C12orf42: variants seen among roughly 807,000 people sequenced by gnomAD.
C12orf42 encodes the protein uncharacterized protein C12orf42.
C12orf42 carries 25 observed loss-of-function variants against 21.6 expected under a neutral mutation model. That is an observed-to-expected ratio of 1.16 (90% CI 0.84 to 1.62). The LOEUF is 1.62. Among genes scored for constraint, C12orf42 ranks in the 40% most tolerant of loss-of-function variants. C12orf42 has a pLI of 0.00. For synonymous variants in C12orf42, 174 were observed against 175.0 expected (o/e 0.99, Z 0.05); for missense variants, 483 against 459.3 (o/e 1.05, Z -0.47).
At chr12:103,121,412 G>A in the C12orf42 span, among the ~76,000 whole-genome samples, 1 of 152,302 alleles carries the variant, frequency 6.6e-6, no homozygotes, top group South Asian at 2.1e-4. Context: ...CAATGTCTTA[G>A]GAAAGACAGT....
chr12:103,151,328 CA>C, the C12orf42 span, among the ~76,000 whole-genome samples: 989 of 144,496 alleles, frequency 6.8e-3, 8 homozygotes, highest in African/African-American at 0.026. Flanking sequence ...CAATTCTGCA[CA>C]AACTCTTTCA....
Position 103,294,583 on chromosome 12 carries a change from G to GGAAGGAAAGAAAGAAAAAGAAAGAAA in C12orf42, n.338-17374_338-17373insTTTCTTTCTTTTTCTTTCTTTCCTTC, listed in dbSNP as rs1300203895. ...AAAGAAAAAGAAAGGAAGGAAGGAA[G>GGAAGGAAAGAAAGAAAAAGAAAGAAA]GAAAGAAAGAAAGAAAGAAAGAAAG... On this transcript the variant is annotated intron_variant and non_coding_transcript_variant, in intron 4 of 6. Transcript: ENST00000546526. 1.0e-4 allele frequency among the ~76,000 whole-genome samples: 8 copies of GGAAGGAAAGAAAGAAAAAGAAAGAAA among 80,278 alleles called. 1 individual carries two copies. Among genetic ancestry groups the GGAAGGAAAGAAAGAAAAAGAAAGAAA allele is most frequent in the African/African-American group, 4.3e-4 (8 of 18,582 alleles). The allele number at this position is 80,278 out of a possible 152,430, so 52.7% of individuals were successfully genotyped here.
At chr12:103,368,317 T>TCTCTCACA (rs1555271889) in intron 4 of C12orf42, among the ~76,000 whole-genome samples, 13 of 146,520 alleles carry the variant, frequency 8.9e-5, no homozygotes, top group African/African-American at 3.3e-4. Flanking sequence ...TCTCTCTCTC[T>TCTCTCACA]CACACACACA....
the C12orf42 span, among the ~76,000 whole-genome samples, chr12:103,131,305 A>G: frequency 6.6e-6 from 1 of 152,234 alleles, no homozygotes; most frequent in Non-Finnish European, 1.5e-5. Flanking sequence ...AGGAATATAT[A>G]TAAAACCTGA....
At chr12:103,069,053 A>T in the C12orf42 span, among the ~76,000 whole-genome samples, 13 of 143,254 alleles carry the variant, frequency 9.1e-5, no homozygotes, top group Non-Finnish European at 1.2e-4. Context: ...ATGTATTTTT[A>T]AAAAAGATAC....
the C12orf42 span, among the ~76,000 whole-genome samples, chr12:103,115,605 G>T: frequency 1.3e-5 from 2 of 152,194 alleles, no homozygotes; most frequent in Non-Finnish European, 2.9e-5. Context: ...GTTGTTTTGA[G>T]AATTTAATAA....
chr12:103,354,596 G>A (rs1383197459), intron 4 of C12orf42, among the ~76,000 whole-genome samples: 1 of 152,134 alleles, frequency 6.6e-6, no homozygotes, highest in East Asian at 1.9e-4. Context: ...CCAGAACAGT[G>A]TTTGGTGCAG....
intron 3 of C12orf42, among the ~76,000 whole-genome samples, chr12:103,371,920 T>C (rs912326926): frequency 6.6e-6 from 1 of 152,168 alleles, no homozygotes; most frequent in Admixed American, 6.5e-5. Flanking sequence ...TTATCAAAGT[T>C]ACAGAAGTAG....
At chr12:103,442,660 T>G (rs1951324721) in intron 2 of C12orf42, among the ~76,000 whole-genome samples, 1 of 152,148 alleles carries the variant, frequency 6.6e-6, no homozygotes, top group African/African-American at 2.4e-5. Flanking sequence ...TCTCAGGGCT[T>G]TATGATCAGA....
At chr12:103,513,458 C>T in the C12orf42 span, among the ~76,000 whole-genome samples, 3 of 152,274 alleles carry the variant, frequency 2.0e-5, no homozygotes, top group Non-Finnish European at 1.5e-5. Context: ...AACAAATACT[C>T]CCCTCTTTGC....
At chr12:103,472,608 G>A (rs1953716314) in intron 2 of C12orf42, among the ~76,000 whole-genome samples, 1 of 152,162 alleles carries the variant, frequency 6.6e-6, no homozygotes, top group African/African-American at 2.4e-5. Context: ...TTGTGATATG[G>A]CAGAGCATGA....
intron 2 of C12orf42, among the ~76,000 whole-genome samples, chr12:103,437,740 A>C (rs9668379): frequency 0.61 from 88,732 of 144,778 alleles, 28,337 homozygotes; most frequent in Admixed American, 0.72. Context: ...CAATAACAGG[A>C]TCTGAAATTG....
At chr12:103,557,136 G>A in the C12orf42 span, among the ~76,000 whole-genome samples, 5 of 152,082 alleles carry the variant, frequency 3.3e-5, no homozygotes, top group East Asian at 1.9e-4. Flanking sequence ...AAGAGGAAAC[G>A]AAACAATCTT....
At chr12:103,402,933 G>T (rs2138724997) in intron 2 of C12orf42, among the ~76,000 whole-genome samples, 1 of 152,314 alleles carries the variant, frequency 6.6e-6, no homozygotes, top group African/African-American at 2.4e-5. Flanking sequence ...CTACAACTGT[G>T]ATGCATTTGT....
chr12:103,292,579 G>A (rs2136374678), intron 4 of C12orf42, among the ~76,000 whole-genome samples: 1 of 152,128 alleles, frequency 6.6e-6, no homozygotes, highest in East Asian at 1.9e-4. Context: ...AACACTATCA[G>A]TATTACTTAG....
the C12orf42 span, among the ~76,000 whole-genome samples, chr12:103,072,132 T>C: frequency 6.6e-6 from 1 of 152,174 alleles, no homozygotes; most frequent in South Asian, 2.1e-4. Flanking sequence ...GCCATCACTT[T>C]TGTGCTACTT....
intron 4 of C12orf42, among the ~76,000 whole-genome samples, chr12:103,292,758 A>G (rs1238062351): frequency 6.6e-6 from 1 of 152,156 alleles, no homozygotes; most frequent in Admixed American, 6.6e-5. Context: ...TCATCTTTAA[A>G]TATATTTTGA....
chr12:103,289,917 T>C (rs1476904561), intron 4 of C12orf42, among the ~76,000 whole-genome samples: 1 of 152,234 alleles, frequency 6.6e-6, no homozygotes, highest in East Asian at 1.9e-4. Flanking sequence ...CTCTTTCATT[T>C]TGTAAACAAT....
At chr12:103,523,199 C>T in the C12orf42 span, among the ~76,000 whole-genome samples, 23 of 152,120 alleles carry the variant, frequency 1.5e-4, no homozygotes, top group Non-Finnish European at 2.5e-4. Context: ...AGTCACTTGG[C>T]GGTCTATGGA....
Sources: gnomAD v4.1 joint callset for allele counts (sites outside exome capture counted in the v4.1 genomes callset) on GRCh38, gnomAD v4.1.1 for gene constraint, MANE v1.5 for transcripts, NCBI Gene and HGNC (gene_info 2026-07-23, HGNC 2026-07-21) for gene names.